ADGRL2: variants seen among roughly 807,000 people sequenced by gnomAD.
The protein encoded by ADGRL2 is calcium-independent alpha-latrotoxin receptor 2.
ADGRL2 carries 44 observed loss-of-function variants against 157.4 expected under a neutral mutation model. That is an observed-to-expected ratio of 0.28 (90% CI 0.22 to 0.36). The LOEUF (loss-of-function observed/expected upper bound fraction) is 0.36, where lower values mean the gene tolerates loss of function less well. ADGRL2 is among the 10% of genes least tolerant of loss of function. The pLI is 1.00. For synonymous variants in ADGRL2, 585 were observed against 624.7 expected, an observed-to-expected ratio of 0.94 and a Z score of 0.95; for missense variants, 1,510 against 1,768.9, an observed-to-expected ratio of 0.85 and a Z score of 2.63.
At chr1:81,619,612 T>TA (rs897832135) in intron 3 of ADGRL2, among the ~76,000 whole-genome samples, 25 of 68,486 alleles carry the variant, frequency 3.7e-4, no homozygotes, top group African/African-American at 9.9e-4. Flanking sequence ...AGTAATATAA[T>TA]ACCATTTTGT....
chr1:81,329,257 A>C (rs773195815), intron 1 of ADGRL2, among the ~76,000 whole-genome samples: 2 of 152,100 alleles, frequency 1.3e-5, no homozygotes, highest in Non-Finnish European at 2.9e-5. Context: ...TGGAGTCATC[A>C]TACTGCATTC....
intron 2 of ADGRL2, among the ~76,000 whole-genome samples, chr1:81,874,635 T>TGTCCTGTCCTGTCCTGTCC (rs1557823247): frequency 2.7e-5 from 3 of 112,770 alleles, no homozygotes; most frequent in South Asian, 3.0e-4. Context: ...TTGTCTTGTC[T>TGTCCTGTCCTGTCCTGTCC]TGTCCTGTCC....
intron 2 of ADGRL2, among the ~76,000 whole-genome samples, chr1:81,504,018 C>G (rs771883162): frequency 7.9e-5 from 12 of 152,146 alleles, no homozygotes; most frequent in Non-Finnish European, 1.3e-4. Context: ...GTACGGGTCC[C>G]TCAAACACAA....
At chr1:81,511,150 G>A (rs1024177955) in intron 2 of ADGRL2, among the ~76,000 whole-genome samples, 2 of 151,792 alleles carry the variant, frequency 1.3e-5, no homozygotes, top group African/African-American at 4.8e-5. Context: ...ATCTTATTTA[G>A]CTACAACCAG....
chr1:81,770,343 C>T (rs1006944440), intron 2 of ADGRL2, among the ~76,000 whole-genome samples: 4 of 150,602 alleles, frequency 2.7e-5, no homozygotes, highest in Non-Finnish European at 5.9e-5. Flanking sequence ...TTGTATTTTT[C>T]ATAGAGATGG....
intron 2 of ADGRL2, among the ~76,000 whole-genome samples, chr1:81,903,782 T>C (rs1209207500): frequency 2.1e-5 from 3 of 144,866 alleles, no homozygotes; most frequent in African/African-American, 7.6e-5. Flanking sequence ...ATTATATATA[T>C]ACACATTATA....
chr1:81,649,664 T>C (rs1254803229), intron 3 of ADGRL2, among the ~76,000 whole-genome samples: 1 of 152,206 alleles, frequency 6.6e-6, no homozygotes, highest in African/African-American at 2.4e-5. Flanking sequence ...TTGTGCTAAA[T>C]ACAAGTATTA....
chr1:81,680,783 A>C (rs2083096686), intron 3 of ADGRL2, among the ~76,000 whole-genome samples: 1 of 152,142 alleles, frequency 6.6e-6, no homozygotes, highest in African/African-American at 2.4e-5. Flanking sequence ...ATACAATGAC[A>C]CCTGCAATGT....
intron 2 of ADGRL2, among the ~76,000 whole-genome samples, chr1:81,766,215 T>C (rs1010030413): frequency 1.3e-5 from 2 of 152,208 alleles, no homozygotes; most frequent in Non-Finnish European, 2.9e-5. Flanking sequence ...TAATTTTTAA[T>C]GGTCTTGCTT....
intron 2 of ADGRL2, among the ~76,000 whole-genome samples, chr1:81,535,491 C>A (rs78013067): frequency 0.016 from 2,468 of 152,076 alleles, 69 homozygotes; most frequent in African/African-American, 0.056. Flanking sequence ...AAAGGTTTAT[C>A]AGAGACTAAA....
intron 2 of ADGRL2, among the ~76,000 whole-genome samples, chr1:81,845,406 T>G (rs914045599): frequency 1.3e-5 from 2 of 152,046 alleles, no homozygotes; most frequent in Non-Finnish European, 2.9e-5. Context: ...TCTTTCAAAT[T>G]GGCTTTTTTG....
intron 1 of ADGRL2, among the ~76,000 whole-genome samples, chr1:81,713,969 G>A (rs1456821778): frequency 6.6e-6 from 1 of 152,202 alleles, no homozygotes; most frequent in Non-Finnish European, 1.5e-5. Context: ...TCACAATCAT[G>A]GCAGAAGGTG....
Position 81,928,242 on chromosome 1 carries a change from T to C in ADGRL2, c.288-8486T>C, listed in dbSNP as rs1351773070. On this transcript the variant is annotated intron_variant, in intron 3 of 23. Coordinates refer to ENST00000686636, the MANE Select transcript of ADGRL2 (RefSeq NM_001366006.2). ...CTAAATACTTATCCCGCCTTCCTTT[T>C]AAATAGGTAATCTATTTCATAAGGG... Among the ~76,000 whole-genome samples, 9 of 152,252 alleles carry C rather than the reference T, an allele frequency of 5.9e-5. No individual in the cohort carries two copies. The East Asian group carries it at 1.4e-3, about 23-fold the overall frequency.
At chr1:81,685,959 A>C (rs2148971356) in intron 3 of ADGRL2, among the ~76,000 whole-genome samples, 1 of 152,244 alleles carries the variant, frequency 6.6e-6, no homozygotes, top group East Asian at 1.9e-4. Context: ...TATATGTTAA[A>C]CCATCTGTGC....
intron 3 of ADGRL2, among the ~76,000 whole-genome samples, chr1:81,631,569 A>T (rs2082011111): frequency 6.6e-6 from 1 of 152,134 alleles, no homozygotes; most frequent in African/African-American, 2.4e-5. Flanking sequence ...CTGCATTTGG[A>T]ATTACGCACC....
chr1:81,502,662 G>A, intron 2 of ADGRL2: 1 of 1,613,934 alleles, frequency 6.2e-7, no homozygotes, highest in South Asian at 1.1e-5. Context: ...CTCAGCTCAG[G>A]ACGCAGTACA....
intron 1 of ADGRL2, among the ~76,000 whole-genome samples, chr1:81,747,638 A>T (rs2085342803): frequency 6.6e-6 from 1 of 151,944 alleles, no homozygotes; most frequent in African/African-American, 2.4e-5. Flanking sequence ...TTTGAAAATG[A>T]TAATATAGGA....
intron 2 of ADGRL2, among the ~76,000 whole-genome samples, chr1:81,794,058 T>C (rs2087472280): frequency 1.3e-5 from 2 of 152,192 alleles, no homozygotes; most frequent in African/African-American, 4.8e-5. Context: ...TTTTATGTTA[T>C]ATCCATTACC....
intron 2 of ADGRL2, among the ~76,000 whole-genome samples, chr1:81,844,342 T>G (rs2092706579): frequency 6.6e-6 from 1 of 152,180 alleles, no homozygotes; most frequent in African/African-American, 2.4e-5. Context: ...AATTTCTCAT[T>G]ACTCATTAAT....
Sources: gnomAD v4.1 joint callset for allele counts (sites outside exome capture counted in the v4.1 genomes callset) on GRCh38, gnomAD v4.1.1 for gene constraint, MANE v1.5 for transcripts, NCBI Gene and HGNC (gene_info 2026-07-23, HGNC 2026-07-21) for gene names.